ASTN2: variants seen among roughly 807,000 people sequenced by gnomAD.
ASTN2 encodes the protein astrotactin-2.
In ASTN2, 54 loss-of-function variants were observed where a neutral mutation model predicts 139.8. That is an observed-to-expected ratio of 0.39 (90% confidence interval 0.31 to 0.48). ASTN2 has a LOEUF of 0.48. ASTN2 is among the 20% of genes least tolerant of loss of function. ASTN2 has a pLI of 0.95. For synonymous variants in ASTN2, 756 were observed against 719.5 expected (o/e 1.05, Z -0.81); for missense variants, 1,565 against 1,725.1 (o/e 0.91, Z 1.64).
At chr9:117,337,463 T>TGATTCAAAA (rs1828923168) in intron 1 of ASTN2, among the ~76,000 whole-genome samples, 1 of 152,222 alleles carries the variant, frequency 6.6e-6, no homozygotes, top group African/African-American at 2.4e-5. Context: ...TATGTGATTA[T>TGATTCAAAA]GCCTGGCATT....
At chr9:116,761,546 G>A (rs1373647421) in intron 13 of ASTN2, among the ~76,000 whole-genome samples, 1 of 152,152 alleles carries the variant, frequency 6.6e-6, no homozygotes, top group African/African-American at 2.4e-5. Flanking sequence ...AGAGAAACTA[G>A]AAGAGCATTC....
intron 4 of ASTN2, among the ~76,000 whole-genome samples, chr9:117,122,199 T>C (rs1829575402): frequency 6.6e-6 from 1 of 152,174 alleles, no homozygotes; most frequent in Non-Finnish European, 1.5e-5. Flanking sequence ...AAGTTTCAGG[T>C]ATGCTATTGG....
intron 10 of ASTN2, among the ~76,000 whole-genome samples, chr9:116,895,068 T>C (rs974453453): frequency 6.6e-6 from 1 of 152,242 alleles, no homozygotes; most frequent in Non-Finnish European, 1.5e-5. Context: ...TTGTACAGAT[T>C]GAGCATCCCT....
chr9:117,136,749 AG>A (rs1829961423), intron 4 of ASTN2, among the ~76,000 whole-genome samples: 1 of 152,202 alleles, frequency 6.6e-6, no homozygotes, highest in African/African-American at 2.4e-5. Context: ...GAGACGCTGC[AG>A]GCCAATGGGC....
intron 5 of ASTN2, among the ~76,000 whole-genome samples, chr9:117,054,039 A>T (rs1838988815): frequency 6.6e-6 from 1 of 152,106 alleles, no homozygotes; most frequent in African/African-American, 2.4e-5. Context: ...AAGAAAAAAA[A>T]AAAACAAAAG....
intron 19 of ASTN2, among the ~76,000 whole-genome samples, chr9:116,514,911 A>G (rs1850576043): frequency 6.6e-6 from 1 of 152,128 alleles, no homozygotes; most frequent in Non-Finnish European, 1.5e-5. Context: ...TTGCTTGGCT[A>G]GGAAAGGGAA....
At chr9:117,348,637 G>A (rs972726383) in intron 1 of ASTN2, among the ~76,000 whole-genome samples, 2 of 152,118 alleles carry the variant, frequency 1.3e-5, no homozygotes, top group African/African-American at 4.8e-5. Context: ...GTAGTCATTT[G>A]TCTACAGCCT....
intron 3 of ASTN2, among the ~76,000 whole-genome samples, chr9:117,149,415 T>G (rs200032757): frequency 2.0e-5 from 3 of 150,730 alleles, no homozygotes; most frequent in Non-Finnish European, 4.4e-5. Flanking sequence ...TTGTGTGTGT[T>G]TGTGTGTGTG....
chr9:116,741,201 C>A (rs1202417242), intron 13 of ASTN2, among the ~76,000 whole-genome samples: 1 of 152,186 alleles, frequency 6.6e-6, no homozygotes, highest in Non-Finnish European at 1.5e-5. Context: ...CAGCAGCCAG[C>A]ATGCAAGAGC....
chr9:117,061,499 AG>A (rs1422526841), intron 5 of ASTN2, among the ~76,000 whole-genome samples: 1 of 150,846 alleles, frequency 6.6e-6, no homozygotes. Flanking sequence ...TAGGCTCATC[AG>A]GAAGAGGACT....
chr9:117,172,052 C>T (rs1296567161), intron 3 of ASTN2, among the ~76,000 whole-genome samples: 1 of 152,082 alleles, frequency 6.6e-6, no homozygotes. Context: ...GATCGCATAT[C>T]TATGAAGCAC....
intron 2 of ASTN2, among the ~76,000 whole-genome samples, chr9:117,223,612 A>C (rs1419999292): frequency 2.6e-5 from 4 of 152,202 alleles, no homozygotes; most frequent in Non-Finnish European, 5.9e-5. Context: ...AATCTTCCAG[A>C]AAGTTATACA....
At chr9:116,610,590 C>T (rs901263659) in intron 19 of ASTN2, among the ~76,000 whole-genome samples, 7 of 151,690 alleles carry the variant, frequency 4.6e-5, no homozygotes, top group African/African-American at 1.5e-4. Context: ...ACGACAAAAG[C>T]GAAATTCTGC....
rs191530661 is a variant in ASTN2 at position 117,147,333 on chromosome 9, T to A, written c.1016-5855A>T. ...AGGCCTGTAATCCCAGATATTCAGG[T>A]AGCTGAGGCAGAGAATCGCTTGAAC... On this transcript the variant is annotated intron_variant, in intron 3 of 22. Transcript: ENST00000313400. Among the ~76,000 whole-genome samples the A allele has an allele frequency of 4.3e-3, 647 of 152,094 alleles. 4 individuals carry two copies. The highest frequency in any genetic ancestry group is 0.015 in the African/African-American group (603 of 41,476).
intron 13 of ASTN2, among the ~76,000 whole-genome samples, chr9:116,786,128 G>C (rs539194542): frequency 6.6e-6 from 1 of 152,152 alleles, no homozygotes; most frequent in South Asian, 2.1e-4. Flanking sequence ...CTTTGAACTC[G>C]GTGTGCCTTC....
chr9:116,439,133 T>G (rs1847750013), intron 22 of ASTN2, among the ~76,000 whole-genome samples: 1 of 151,898 alleles, frequency 6.6e-6, no homozygotes, highest in Admixed American at 6.6e-5. Flanking sequence ...AATTTTCTAT[T>G]AAGGGTAGAT....
intron 4 of ASTN2, among the ~76,000 whole-genome samples, chr9:117,100,523 T>C (rs978072656): frequency 1.3e-5 from 2 of 152,246 alleles, no homozygotes; most frequent in African/African-American, 2.4e-5. Context: ...AAGTATTTTA[T>C]ATATTTTTCA....
rs535639015 is a variant in ASTN2 at position 116,528,910 on chromosome 9, TA to T, written c.3356-41411del. On this transcript the variant is annotated intron_variant, in intron 19 of 22. Transcript: ENST00000313400. ...GAGTTGAGGTTTGTGAGCTTCTGCCTAGACTTCAGAGGATGTATGGAAATGC... is the reference window on the plus strand; with the variant it reads ...GAGTTGAGGTTTGTGAGCTTCTGCCTGACTTCAGAGGATGTATGGAAATGC... Among the ~76,000 whole-genome samples, 76 of 152,294 alleles carry T rather than the reference TA, an allele frequency of 5.0e-4. 1 individual carries two copies. Among genetic ancestry groups the T allele is most frequent in the African/African-American group, 1.8e-3 (75 of 41,588 alleles).
chr9:116,686,738 A>C, intron 16 of ASTN2: 1 of 1,550,544 alleles, frequency 6.4e-7, no homozygotes. Context: ...GTACTCCCCA[A>C]GTCTGCCTCT....
Sources: allele counts gnomAD v4.1 joint callset (sites outside exome capture counted in the v4.1 genomes callset), GRCh38; gene constraint gnomAD v4.1.1; transcripts MANE v1.5; gene names NCBI Gene and HGNC (gene_info 2026-07-23, HGNC 2026-07-21).